Variants in TTC28 observed in about 807,000 individuals in gnomAD.
The protein encoded by TTC28 is tetratricopeptide repeat domain 28.
In TTC28, 61 loss-of-function variants were observed where a neutral mutation model predicts 198.0. The observed-to-expected ratio is 0.31, with a 90% CI of 0.25 to 0.38. The LOEUF (loss-of-function observed/expected upper bound fraction) is 0.38. TTC28 is among the 10% of genes least tolerant of loss of function. The pLI, the probability that TTC28 is intolerant of heterozygous loss-of-function variation, is 1.00. For missense variants in TTC28, 2,678 were observed against 3,164.0 expected (o/e 0.85, Z 3.69); for synonymous variants, 1,171 against 1,297.8 (o/e 0.90, Z 2.10).
At chr22:28,149,341 T>C (rs9608668) in intron 6 of TTC28, among the ~76,000 whole-genome samples, 31,047 of 152,102 alleles carry the variant, frequency 0.2, 3,878 homozygotes, top group Non-Finnish European at 0.27. Context: ...ATAACCAAGA[T>C]ACAGAATCAA....
At chr22:28,632,421 C>G (rs2051191961) in intron 1 of TTC28, among the ~76,000 whole-genome samples, 1 of 151,874 alleles carries the variant, frequency 6.6e-6, no homozygotes, top group South Asian at 2.1e-4. Flanking sequence ...GGATTACAGG[C>G]ATGCACCAAT....
intron 12 of TTC28, among the ~76,000 whole-genome samples, chr22:28,065,117 G>A (rs771136832): frequency 4.6e-5 from 7 of 152,158 alleles, no homozygotes; most frequent in Non-Finnish European, 1.0e-4. Context: ...TAGCGGCTTG[G>A]CAGCAGCTGC....
intron 2 of TTC28, among the ~76,000 whole-genome samples, chr22:28,399,188 C>T (rs2146095273): frequency 6.6e-6 from 1 of 152,132 alleles, no homozygotes; most frequent in East Asian, 1.9e-4. Context: ...GGGATTGCTG[C>T]CAAACTCTTA....
At chr22:28,503,281 T>A (rs2048560997) in intron 2 of TTC28, among the ~76,000 whole-genome samples, 1 of 152,194 alleles carries the variant, frequency 6.6e-6, no homozygotes, top group African/African-American at 2.4e-5. Flanking sequence ...TCACATGCTC[T>A]CATCCCCAGC....
intron 8 of TTC28, among the ~76,000 whole-genome samples, chr22:28,101,782 T>TAAAAAAAAAAAAAA: frequency 1.9e-5 from 1 of 53,172 alleles, no homozygotes; most frequent in Non-Finnish European, 3.1e-5. Flanking sequence ...CCATCTCTGT[T>TAAAAAAAAAAAAAA]AAAAAAAAAA....
intron 5 of TTC28, among the ~76,000 whole-genome samples, chr22:28,172,206 G>A (rs1922752699): frequency 6.6e-6 from 1 of 152,138 alleles, no homozygotes; most frequent in African/African-American, 2.4e-5. Context: ...GTTCAGAACT[G>A]CACTGCCCTT....
intron 2 of TTC28, among the ~76,000 whole-genome samples, chr22:28,452,769 C>A (rs2047803766): frequency 6.6e-6 from 1 of 152,146 alleles, no homozygotes; most frequent in South Asian, 2.1e-4. Flanking sequence ...TCTCGATTAT[C>A]TGAGTCATGG....
chr22:28,498,044 G>A (rs919287503), intron 2 of TTC28, among the ~76,000 whole-genome samples: 2 of 151,612 alleles, frequency 1.3e-5, no homozygotes, highest in East Asian at 1.9e-4. Context: ...AATTTCCAAC[G>A]ACAGAGTAGC....
At chr22:28,071,098 G>A (rs377744595) in intron 12 of TTC28, among the ~76,000 whole-genome samples, 2 of 152,090 alleles carry the variant, frequency 1.3e-5, no homozygotes, top group South Asian at 2.1e-4. Context: ...GGGTGGGAAA[G>A]GTAGTCAGTC....
intron 1 of TTC28, among the ~76,000 whole-genome samples, chr22:28,671,133 A>C (rs1457536635): frequency 6.6e-6 from 1 of 151,896 alleles, no homozygotes; most frequent in Admixed American, 6.6e-5. Context: ...TTTGTAGAGA[A>C]GAGGTGTTAC....
Position 28,573,069 on chromosome 22 carries a change from C to T in TTC28, c.381+56483G>A, listed in dbSNP as rs116121055. Among the ~76,000 whole-genome samples the T allele has an allele frequency of 3.0e-3, 450 of 147,912 alleles. 4 individuals are homozygous for T. The highest frequency in any genetic ancestry group is 0.011 in the African/African-American group (430 of 39,850). ...CCTGGGAGGTCAAGGTTGCAGTGAG[C>T]AGTGATTGCATCACTGCACTCCAGC... On this transcript the variant is annotated intron_variant, in intron 2 of 22. Coordinates refer to ENST00000397906, the MANE Select transcript of TTC28 (RefSeq NM_001145418.2).
chr22:28,081,889 T>C (rs972267430), intron 12 of TTC28, among the ~76,000 whole-genome samples: 3 of 152,250 alleles, frequency 2.0e-5, no homozygotes, highest in African/African-American at 7.2e-5. Context: ...TCCATGATCA[T>C]AGGATATCTT....
rs778523585 is a variant in TTC28 at position 28,306,476 on chromosome 22, A to G, written c.529+20T>C. 1 of 1,544,774 alleles carries G rather than the reference A, an allele frequency of 6.5e-7. No homozygotes were observed. Among genetic ancestry groups the G allele is most frequent in the Non-Finnish European group, 8.7e-7 (1 of 1,145,072 alleles). On this transcript the variant is annotated intron_variant, in intron 3 of 22. Coordinates refer to ENST00000397906, the MANE Select transcript of TTC28 (RefSeq NM_001145418.2). ...TCTTCTTTAAATTAATGTTATACCAAGTACTTTTATCATATTTACCTCTCA... is the reference window on the plus strand; with the variant it reads ...TCTTCTTTAAATTAATGTTATACCAGGTACTTTTATCATATTTACCTCTCA...
chr22:28,207,408 C>T (rs1041576344), intron 5 of TTC28, among the ~76,000 whole-genome samples: 1 of 152,058 alleles, frequency 6.6e-6, no homozygotes, highest in Non-Finnish European at 1.5e-5. Flanking sequence ...ATAAAAAGGG[C>T]AAGGGGCCAC....
chr22:28,620,993 G>A (rs867502928), intron 2 of TTC28, among the ~76,000 whole-genome samples: 19 of 152,264 alleles, frequency 1.2e-4, no homozygotes, highest in Middle Eastern at 3.4e-3. Context: ...CATATTTAAA[G>A]AGAACCCATT....
Position 28,088,067 on chromosome 22 carries a change from T to C in TTC28, c.3932+6013A>G, listed in dbSNP as rs1601605369. ...GCTCATGGATAGGAAGAATCATTATTGTGAAAATGGCCATACTGCCCAAGG... is the reference window on the plus strand; with the variant it reads ...GCTCATGGATAGGAAGAATCATTATCGTGAAAATGGCCATACTGCCCAAGG... On this transcript the variant is annotated intron_variant, in intron 12 of 22. Coordinates refer to ENST00000397906, the MANE Select transcript of TTC28 (RefSeq NM_001145418.2). 5.3e-5 allele frequency among the ~76,000 whole-genome samples: 8 copies of C among 152,244 alleles called. No individual in the cohort carries two copies. In the South Asian group the frequency reaches 1.5e-3, roughly 28 times the overall value.
At chr22:28,638,702 G>A (rs2051314109) in intron 1 of TTC28, among the ~76,000 whole-genome samples, 1 of 152,094 alleles carries the variant, frequency 6.6e-6, no homozygotes, top group Non-Finnish European at 1.5e-5. Context: ...TTAAATGTCT[G>A]ACCTCAGTTA....
chr22:28,332,015 G>T lies in TTC28; in HGVS notation c.382-25372C>A, dbSNP rs139267022. On this transcript the variant is annotated intron_variant, in intron 2 of 22. Coordinates refer to ENST00000397906, the MANE Select transcript of TTC28 (RefSeq NM_001145418.2). ...TTAAGAAACCCATTTCAAGCTGTTT[G>T]AAAGGAATGTTGGCTGACACTTGCA... Among the ~76,000 whole-genome samples, 852 of 152,214 alleles carry T rather than the reference G, an allele frequency of 5.6e-3. 4 individuals are homozygous for T. Among genetic ancestry groups the T allele is most frequent in the Admixed American group, 9.2e-3 (141 of 15,262 alleles).
intron 6 of TTC28, among the ~76,000 whole-genome samples, chr22:28,121,089 A>G (rs1161312030): frequency 6.6e-6 from 1 of 152,230 alleles, no homozygotes; most frequent in Admixed American, 6.5e-5. Context: ...AGAGGAACTT[A>G]CATAGGAAAT....
Sources: allele counts gnomAD v4.1 joint callset (sites outside exome capture counted in the v4.1 genomes callset), GRCh38; gene constraint gnomAD v4.1.1; transcripts MANE v1.5; gene names NCBI Gene and HGNC (gene_info 2026-07-23, HGNC 2026-07-21).